Variants in LRRTM4 observed in about 807,000 individuals in gnomAD.
The protein encoded by LRRTM4 is leucine rich repeat transmembrane neuronal 4.
LRRTM4 carries 25 observed loss-of-function variants against 47.6 expected under a neutral mutation model. The observed-to-expected ratio is 0.53, with a 90% CI of 0.38 to 0.73. The LOEUF (loss-of-function observed/expected upper bound fraction) is 0.73. LRRTM4 is among the 30% of genes least tolerant of loss of function. The pLI, the probability that LRRTM4 is intolerant of heterozygous loss-of-function variation, is 0.00. For synonymous variants in LRRTM4, 311 were observed against 269.5 expected (o/e 1.15, Z -1.51); for missense variants, 638 against 713.4 (o/e 0.89, Z 1.20).
rs562395550 is a variant in LRRTM4 at position 77,121,318 on chromosome 2, G to A, written c.1552-372402C>T. On this transcript the variant is annotated intron_variant, in intron 3 of 3. Coordinates refer to ENST00000409884, the MANE Select transcript of LRRTM4 (RefSeq NM_001134745.3). ...ATAAAGATGACATCAGTACGAACAT[G>A]TTTTCAATGAATCTGAACTGCACTT... 1.3e-4 allele frequency among the ~76,000 whole-genome samples: 20 copies of A among 151,818 alleles called. No individual in the cohort carries two copies. In the South Asian group the frequency reaches 4.1e-3, roughly 31 times the overall value.
intron 3 of LRRTM4, among the ~76,000 whole-genome samples, chr2:77,196,919 T>C (rs1429227249): frequency 6.6e-6 from 1 of 152,158 alleles, no homozygotes; most frequent in African/African-American, 2.4e-5. Context: ...CATGTTATGT[T>C]TTTTTAATTT....
intron 3 of LRRTM4, among the ~76,000 whole-genome samples, chr2:77,236,363 G>A (rs1375255323): frequency 6.6e-6 from 1 of 151,944 alleles, no homozygotes; most frequent in Non-Finnish European, 1.5e-5. Flanking sequence ...TACATTGATT[G>A]TGTATTCTGA....
chr2:77,411,594 A>G (rs1311492943), intron 3 of LRRTM4, among the ~76,000 whole-genome samples: 6 of 141,864 alleles, frequency 4.2e-5, no homozygotes, highest in Non-Finnish European at 7.5e-5. Flanking sequence ...CTGAGACAAC[A>G]GGCCCCCGCC....
intron 3 of LRRTM4, among the ~76,000 whole-genome samples, chr2:76,929,635 T>C (rs1674701897): frequency 6.6e-6 from 1 of 152,142 alleles, no homozygotes; most frequent in South Asian, 2.1e-4. Flanking sequence ...ACATGTTTCT[T>C]TAAGTTAAAC....
Position 76,974,151 on chromosome 2 carries a change from C to CATACATATATATAT in LRRTM4, c.1552-225249_1552-225236dup, listed in dbSNP as rs1484388311. Among the ~76,000 whole-genome samples the CATACATATATATAT allele has an allele frequency of 4.5e-5, 6 of 133,742 alleles. No homozygotes were observed. The Admixed American group carries it at 4.6e-4, about 10-fold the overall frequency. 87.7% of individuals were successfully genotyped at this position (133,742 alleles called of 152,430 possible). The stretch of plus-strand genomic sequence containing the variant: ...TTGCTCATATATATACATATATATA[C>CATACATATATATAT]ATACATATATATATATACATACATA... On this transcript the variant is annotated intron_variant, in intron 3 of 3. Coordinates refer to ENST00000409884, the MANE Select transcript of LRRTM4 (RefSeq NM_001134745.3).
chr2:77,341,439 T>C (rs762587765), intron 3 of LRRTM4, among the ~76,000 whole-genome samples: 3 of 152,028 alleles, frequency 2.0e-5, no homozygotes, highest in Non-Finnish European at 2.9e-5. Flanking sequence ...TATTCCTTCA[T>C]GTAAGCCTTT....
At chr2:76,812,092 ATT>A (rs1670751293) in intron 3 of LRRTM4, among the ~76,000 whole-genome samples, 2 of 152,184 alleles carry the variant, frequency 1.3e-5, no homozygotes, top group African/African-American at 4.8e-5. Context: ...AGATGGAGTT[ATT>A]TGAACTTCAT....
chr2:77,033,669 C>A (rs1678738601), intron 3 of LRRTM4, among the ~76,000 whole-genome samples: 1 of 151,798 alleles, frequency 6.6e-6, no homozygotes, highest in African/African-American at 2.4e-5. Flanking sequence ...ATAATCTATG[C>A]TATGCAAAAG....
chr2:77,516,168 TA>T (rs1184043971), intron 3 of LRRTM4, among the ~76,000 whole-genome samples: 1 of 151,882 alleles, frequency 6.6e-6, no homozygotes, highest in African/African-American at 2.4e-5. Context: ...AATATTTAAT[TA>T]CATTCTTCAT....
At chr2:77,068,816 T>A (rs1437720811) in intron 3 of LRRTM4, among the ~76,000 whole-genome samples, 1 of 152,232 alleles carries the variant, frequency 6.6e-6, no homozygotes, top group Admixed American at 6.5e-5. Context: ...TGTAACATGT[T>A]CATGATGGCC....
chr2:76,832,454 C>CTTTTTTT (rs541805872), intron 3 of LRRTM4, among the ~76,000 whole-genome samples: 16 of 94,042 alleles, frequency 1.7e-4, no homozygotes, highest in Admixed American at 3.6e-4. Context: ...CCTCGAAGGG[C>CTTTTTTT]TTTTTTTTTT....
intron 3 of LRRTM4, among the ~76,000 whole-genome samples, chr2:76,807,459 C>CACATATATATAT (rs1553412667): frequency 1.2e-5 from 1 of 85,628 alleles, no homozygotes; most frequent in Admixed American, 1.2e-4. Flanking sequence ...TATATATATA[C>CACATATATATAT]ATATATATAT....
intron 3 of LRRTM4, among the ~76,000 whole-genome samples, chr2:77,308,060 A>G (rs1677339866): frequency 7.0e-6 from 1 of 142,406 alleles, no homozygotes; most frequent in Non-Finnish European, 1.5e-5. Flanking sequence ...TTATATATCT[A>G]TATATCTATA....
chr2:77,369,652 C>T (rs1672588701), intron 3 of LRRTM4, among the ~76,000 whole-genome samples: 1 of 151,560 alleles, frequency 6.6e-6, no homozygotes, highest in South Asian at 2.1e-4. Flanking sequence ...TATATGTTCT[C>T]AAAAATGCAT....
intron 3 of LRRTM4, among the ~76,000 whole-genome samples, chr2:76,964,819 T>C (rs1278053047): frequency 1.7e-4 from 25 of 149,940 alleles, no homozygotes; most frequent in African/African-American, 1.5e-4. Context: ...GAGAGAGAGA[T>C]AGAAGACAAA....
At chr2:76,783,026 C>T (rs535542187) in intron 3 of LRRTM4, among the ~76,000 whole-genome samples, 148 of 151,976 alleles carry the variant, frequency 9.7e-4, no homozygotes, top group Non-Finnish European at 1.6e-3. Flanking sequence ...ATATATAAAG[C>T]TGAACACACA....
intron 3 of LRRTM4, among the ~76,000 whole-genome samples, chr2:77,263,385 G>A (rs1675969401): frequency 6.6e-6 from 1 of 152,150 alleles, no homozygotes; most frequent in African/African-American, 2.4e-5. Context: ...GCAGGGAATA[G>A]GGACCTCTGA....
chr2:77,111,083 G>C (rs943520499), intron 3 of LRRTM4, among the ~76,000 whole-genome samples: 4 of 151,994 alleles, frequency 2.6e-5, no homozygotes, highest in African/African-American at 9.7e-5. Flanking sequence ...TGAGTGAAAG[G>C]AAGTACAGTA....
intron 3 of LRRTM4, among the ~76,000 whole-genome samples, chr2:77,175,309 CAGGATCCA>C (rs1465607998): frequency 6.6e-6 from 1 of 152,008 alleles, no homozygotes; most frequent in African/African-American, 2.4e-5. Context: ...GGAACATTTC[CAGGATCCA>C]AGGTCTAAAA....
Sources: gnomAD v4.1 joint callset for allele counts (sites outside exome capture counted in the v4.1 genomes callset) on GRCh38, gnomAD v4.1.1 for gene constraint, MANE v1.5 for transcripts, NCBI Gene and HGNC (gene_info 2026-07-23, HGNC 2026-07-21) for gene names.